The following KCNQ5 variants were observed in gnomAD, a reference collection of about 807,000 sequenced individuals.
The protein encoded by KCNQ5 is potassium voltage-gated channel subfamily KQT member 5.
Under a neutral mutation model 98.2 loss-of-function variants are expected in KCNQ5, and 30 were observed. The ratio of observed to expected loss-of-function variants is 0.31; its 90% confidence interval spans 0.23 to 0.41. The LOEUF (loss-of-function observed/expected upper bound fraction) is 0.41, where lower values mean the gene tolerates loss of function less well. Among genes scored for constraint, KCNQ5 ranks in the 10% least tolerant of loss-of-function variants. The pLI, the probability that KCNQ5 is intolerant of heterozygous loss-of-function variation, is 1.00. For missense variants in KCNQ5, 835 were observed against 1,182.5 expected (o/e 0.71, Z 4.31); for synonymous variants, 458 against 449.4 (o/e 1.02, Z -0.24).
At chr6:73,056,589 C>G (rs996549740) in intron 3 of KCNQ5, among the ~76,000 whole-genome samples, 2 of 152,074 alleles carry the variant, frequency 1.3e-5, no homozygotes, top group Non-Finnish European at 2.9e-5. Context: ...AGAATCCCTC[C>G]CTGCCTTGTT....
intron 3 of KCNQ5, among the ~76,000 whole-genome samples, chr6:73,051,907 AAG>A (rs1256501707): frequency 6.6e-6 from 1 of 152,124 alleles, no homozygotes; most frequent in Non-Finnish European, 1.5e-5. Context: ...AAATGACAAA[AAG>A]AGAAATCAGA....
intron 11 of KCNQ5, among the ~76,000 whole-genome samples, chr6:73,189,118 G>GT (rs939902846): frequency 1.3e-5 from 2 of 151,716 alleles, no homozygotes; most frequent in African/African-American, 4.8e-5. Flanking sequence ...ATTTTTCTCA[G>GT]TTTTTTTGAT....
intron 1 of KCNQ5, among the ~76,000 whole-genome samples, chr6:72,869,740 C>T (rs1778130744): frequency 6.6e-6 from 1 of 152,072 alleles, no homozygotes; most frequent in African/African-American, 2.4e-5. Flanking sequence ...AGTAATGTGC[C>T]TAAGGGATGT....
At chr6:72,955,691 G>T (rs1767008119) in intron 1 of KCNQ5, among the ~76,000 whole-genome samples, 1 of 152,106 alleles carries the variant, frequency 6.6e-6, no homozygotes, top group Non-Finnish European at 1.5e-5. Flanking sequence ...GAATTATTTT[G>T]CATTTTGTAC....
chr6:72,815,345 A>AAGTTCTAT (rs763070512), intron 1 of KCNQ5, among the ~76,000 whole-genome samples: 1 of 152,198 alleles, frequency 6.6e-6, no homozygotes, highest in Non-Finnish European at 1.5e-5. Context: ...GACAGGTGTA[A>AAGTTCTAT]AGTTCTATGT....
intron 11 of KCNQ5, among the ~76,000 whole-genome samples, chr6:73,187,671 T>A (rs1009310833): frequency 6.6e-6 from 1 of 152,214 alleles, no homozygotes; most frequent in African/African-American, 2.4e-5. Flanking sequence ...GATAATCAGT[T>A]TCATTTTTAG....
intron 5 of KCNQ5, among the ~76,000 whole-genome samples, chr6:73,104,488 A>G (rs1343064056): frequency 1.3e-5 from 2 of 152,224 alleles, no homozygotes; most frequent in African/African-American, 4.8e-5. Context: ...GCCCCAGTCC[A>G]GCTGAACAAC....
At chr6:72,978,400 C>G (rs776139653) in intron 1 of KCNQ5, among the ~76,000 whole-genome samples, 3 of 152,230 alleles carry the variant, frequency 2.0e-5, no homozygotes, top group Non-Finnish European at 2.9e-5. Flanking sequence ...GTCCCATCTA[C>G]TATGATGGAA....
At chr6:72,946,171 A>G (rs1016333406) in intron 1 of KCNQ5, among the ~76,000 whole-genome samples, 1 of 152,196 alleles carries the variant, frequency 6.6e-6, no homozygotes, top group Non-Finnish European at 1.5e-5. Context: ...CAATTGCTAC[A>G]TACATCACAT....
chr6:72,774,426 G>T (rs941100347), intron 1 of KCNQ5, among the ~76,000 whole-genome samples: 2 of 151,990 alleles, frequency 1.3e-5, no homozygotes, highest in Non-Finnish European at 2.9e-5. Flanking sequence ...AGTAAGCAAA[G>T]ATTTCTTAAA....
chr6:73,170,912 CA>C (rs1777990001), intron 11 of KCNQ5, among the ~76,000 whole-genome samples: 1 of 152,008 alleles, frequency 6.6e-6, no homozygotes, highest in Admixed American at 6.6e-5. Flanking sequence ...CCAGCCTGGG[CA>C]ACAGAATGAG....
intron 1 of KCNQ5, among the ~76,000 whole-genome samples, chr6:72,831,945 G>T (rs966063227): frequency 2.0e-5 from 3 of 151,358 alleles, no homozygotes; most frequent in Non-Finnish European, 4.4e-5. Context: ...AGAGGGAGGG[G>T]GTCAAAGGTA....
chr6:72,679,663 T>C (rs1767597271), intron 1 of KCNQ5, among the ~76,000 whole-genome samples: 1 of 152,028 alleles, frequency 6.6e-6, no homozygotes, highest in South Asian at 2.1e-4. Context: ...GCATGGCACA[T>C]GTATACACAT....
chr6:72,999,920 A>T (rs1049634609), intron 1 of KCNQ5, among the ~76,000 whole-genome samples: 1 of 152,188 alleles, frequency 6.6e-6, no homozygotes, highest in African/African-American at 2.4e-5. Flanking sequence ...AGTACGGCTA[A>T]TACCATCATG....
intron 10 of KCNQ5, among the ~76,000 whole-genome samples, chr6:73,159,867 T>C (rs1777539129): frequency 6.6e-6 from 1 of 152,224 alleles, no homozygotes; most frequent in Admixed American, 6.5e-5. Context: ...TTATTGTGGG[T>C]AGCACCATGT....
At position 73,190,601 on chromosome 6, in the gene KCNQ5, A is replaced by G; in HGVS notation, c.1606A>G (p.Lys536Glu). 1 of 1,539,870 alleles carries G rather than the reference A, an allele frequency of 6.5e-7. No homozygotes were observed. The highest frequency in any genetic ancestry group is 2.3e-5 in the East Asian group (1 of 43,746). ...TATGAAATTTCATGTTGCAAAACGG[A>G]AGTTTAAGGAAACATTACGTCCATA... ...RIMKFHVAKR[K>E]FKETLRPYDV... is the part of the protein sequence containing the mutation. The change falls in exon 12 of 14, where the codon AAG (lysine) becomes GAG (glutamate). Residue 536 changes from lysine (K) to glutamate (E), a missense_variant. Transcript: ENST00000370398.
chr6:72,743,272 G>A (rs1285312117), intron 1 of KCNQ5, among the ~76,000 whole-genome samples: 2 of 151,446 alleles, frequency 1.3e-5, no homozygotes, highest in Non-Finnish European at 2.9e-5. Context: ...TTCTTCACTG[G>A]TGCTGAATCA....
chr6:72,719,502 A>G (rs1247570992), intron 1 of KCNQ5, among the ~76,000 whole-genome samples: 1 of 152,356 alleles, frequency 6.6e-6, no homozygotes, highest in Non-Finnish European at 1.5e-5. Flanking sequence ...TGATATAGAT[A>G]TTTGGCTAAT....
chr6:72,936,224 GA>G (rs1193694943), intron 1 of KCNQ5, among the ~76,000 whole-genome samples: 1 of 152,146 alleles, frequency 6.6e-6, no homozygotes, highest in Non-Finnish European at 1.5e-5. Flanking sequence ...CATCTCATCT[GA>G]AATAACCTAC....
Sources: gnomAD v4.1 joint callset for allele counts (sites outside exome capture counted in the v4.1 genomes callset) on GRCh38, gnomAD v4.1.1 for gene constraint, MANE v1.5 for transcripts, NCBI Gene and HGNC (gene_info 2026-07-23, HGNC 2026-07-21) for gene names.